GRIK2: variants seen among roughly 807,000 people sequenced by gnomAD.
The protein encoded by GRIK2 is glutamate ionotropic receptor kainate type subunit 2.
Under a neutral mutation model 100.3 loss-of-function variants are expected in GRIK2, and 32 were observed. That is an observed-to-expected ratio of 0.32 (90% CI 0.24 to 0.43). The LOEUF (loss-of-function observed/expected upper bound fraction) is 0.43. Ranked by LOEUF, GRIK2 falls within the 20% of genes least tolerant of loss-of-function variation. The pLI is 1.00. For synonymous variants in GRIK2, 417 were observed against 389.4 expected, an observed-to-expected ratio of 1.07 and a Z score of -0.83; for missense variants, 843 against 1,114.9, an observed-to-expected ratio of 0.76 and a Z score of 3.47.
At chr6:101,449,581 G>T (rs1251834901) in intron 2 of GRIK2, among the ~76,000 whole-genome samples, 4 of 151,678 alleles carry the variant, frequency 2.6e-5, no homozygotes, top group Non-Finnish European at 4.4e-5. Context: ...TGAAGAAGTG[G>T]ATAGTTGTGA....
At chr6:102,057,446 G>A (rs1771519379) in intron 16 of GRIK2, among the ~76,000 whole-genome samples, 1 of 151,882 alleles carries the variant, frequency 6.6e-6, no homozygotes, top group Admixed American at 6.6e-5. Flanking sequence ...TTACGAACAC[G>A]TTTAGTTGAA....
intron 7 of GRIK2, among the ~76,000 whole-genome samples, chr6:101,772,551 G>A (rs968923660): frequency 5.9e-5 from 9 of 151,798 alleles, no homozygotes; most frequent in African/African-American, 2.2e-4. Context: ...ATCCTTTAAT[G>A]TTTATCCTCT....
At chr6:101,878,331 C>T (rs899842565) in intron 11 of GRIK2, among the ~76,000 whole-genome samples, 2 of 82,480 alleles carry the variant, frequency 2.4e-5, no homozygotes, top group African/African-American at 4.0e-5. Flanking sequence ...ATGGAGCCTT[C>T]AAAGTGTCAA....
chr6:101,479,745 A>G (rs919483168), intron 2 of GRIK2, among the ~76,000 whole-genome samples: 1 of 152,166 alleles, frequency 6.6e-6, no homozygotes, highest in Non-Finnish European at 1.5e-5. Flanking sequence ...TAGTGCTTAC[A>G]TGTCTTTTTA....
intron 14 of GRIK2, among the ~76,000 whole-genome samples, chr6:101,934,927 T>G (rs961003606): frequency 2.0e-5 from 3 of 151,998 alleles, no homozygotes; most frequent in Non-Finnish European, 4.4e-5. Context: ...AAAAATAATA[T>G]TTAAAGATGA....
At chr6:101,969,200 G>T (rs1286525022) in intron 14 of GRIK2, among the ~76,000 whole-genome samples, 1 of 151,896 alleles carries the variant, frequency 6.6e-6, no homozygotes, top group East Asian at 1.9e-4. Flanking sequence ...TTTTTTAAAT[G>T]CATGATTGTG....
chr6:101,738,611 A>G (rs1775831840), intron 7 of GRIK2, among the ~76,000 whole-genome samples: 1 of 151,930 alleles, frequency 6.6e-6, no homozygotes, highest in South Asian at 2.1e-4. Context: ...TATATGGTAA[A>G]TATTAAGCAA....
intron 2 of GRIK2, among the ~76,000 whole-genome samples, chr6:101,499,714 A>G (rs1773649670): frequency 1.3e-5 from 2 of 152,148 alleles, no homozygotes; most frequent in South Asian, 4.1e-4. Context: ...TTTAAGTCAT[A>G]GTATATACTA....
chr6:101,705,669 G>A (rs1013073483), intron 7 of GRIK2, among the ~76,000 whole-genome samples: 3 of 151,628 alleles, frequency 2.0e-5, no homozygotes, highest in Admixed American at 6.6e-5. Flanking sequence ...AAATAGTGAC[G>A]GTTACTGCAA....
At chr6:101,574,641 A>G (rs1449992699) in intron 2 of GRIK2, among the ~76,000 whole-genome samples, 2 of 151,568 alleles carry the variant, frequency 1.3e-5, no homozygotes, top group African/African-American at 2.4e-5. Context: ...CAGCATGTAC[A>G]GGGCTTGCTT....
intron 14 of GRIK2, among the ~76,000 whole-genome samples, chr6:101,995,358 A>G (rs1213795150): frequency 6.6e-6 from 1 of 151,984 alleles, no homozygotes; most frequent in Non-Finnish European, 1.5e-5. Flanking sequence ...ATTTCATTTG[A>G]TTCCATAGAT....
Position 101,512,219 on chromosome 6 carries a change from A to G in GRIK2, c.116-109730A>G, listed in dbSNP as rs551187690. Among the ~76,000 whole-genome samples, 30 of 151,864 alleles carry G rather than the reference A, an allele frequency of 2.0e-4. 1 individual carries two copies. The highest frequency in any genetic ancestry group is 4.0e-4 in the Non-Finnish European group (27 of 67,848). On this transcript the variant is annotated intron_variant, in intron 2 of 16. Transcript: ENST00000369134. ...GAATAAGATAAAGATTAAATAATAA[A>G]CTTAGTTTCATTCATGGTATGTTTA...
chr6:101,598,332 C>G (rs1264547098), intron 2 of GRIK2, among the ~76,000 whole-genome samples: 1 of 151,530 alleles, frequency 6.6e-6, no homozygotes, highest in Non-Finnish European at 1.5e-5. Flanking sequence ...CTCAACTCAT[C>G]CTGCGGGCAA....
intron 2 of GRIK2, among the ~76,000 whole-genome samples, chr6:101,498,035 A>T (rs1773541547): frequency 9.6e-6 from 1 of 104,552 alleles, no homozygotes; most frequent in Non-Finnish European, 1.8e-5. Context: ...ACCCCACAAC[A>T]GTCCCCAGAG....
At chr6:101,795,594 G>A (rs1366855055) in intron 7 of GRIK2, among the ~76,000 whole-genome samples, 9 of 152,218 alleles carry the variant, frequency 5.9e-5, no homozygotes, top group Non-Finnish European at 8.8e-5. Context: ...AGTATGCATG[G>A]CATGAGAAAT....
rs200084673 is a variant in GRIK2, at chr6:101,515,502, A to G, written c.116-106447A>G. Among the ~76,000 whole-genome samples, 5 of 152,276 alleles carry G rather than the reference A, an allele frequency of 3.3e-5. No individual in the cohort carries two copies. The East Asian group carries it at 9.6e-4, about 29-fold the overall frequency. ...TTAAGGAAGCTCCACACGGTTTTCT[A>G]TAGTGGCTGTACTAGTTTACATTCC... is the stretch of plus-strand genomic sequence containing the variant. On this transcript the variant is annotated intron_variant, in intron 2 of 16. Coordinates refer to ENST00000369134, the MANE Select transcript of GRIK2 (RefSeq NM_021956.5).
chr6:101,842,281 C>A (rs906018157), intron 10 of GRIK2, among the ~76,000 whole-genome samples: 1 of 152,130 alleles, frequency 6.6e-6, no homozygotes, highest in African/African-American at 2.4e-5. Context: ...TCTATATCCT[C>A]TCTCAATTCA....
At chr6:101,666,131 T>C (rs938521247) in intron 4 of GRIK2, among the ~76,000 whole-genome samples, 2 of 152,168 alleles carry the variant, frequency 1.3e-5, no homozygotes, top group Admixed American at 6.5e-5. Flanking sequence ...TTTGCTAGAA[T>C]GAGTCACAGA....
intron 15 of GRIK2, among the ~76,000 whole-genome samples, chr6:102,044,286 G>A (rs189660843): frequency 4.6e-5 from 7 of 152,046 alleles, no homozygotes; most frequent in African/African-American, 1.4e-4. Context: ...AAATTTTCTA[G>A]TGGTGCTCTC....
Sources: gnomAD v4.1 joint callset for allele counts (sites outside exome capture counted in the v4.1 genomes callset) on GRCh38, gnomAD v4.1.1 for gene constraint, MANE v1.5 for transcripts, NCBI Gene and HGNC (gene_info 2026-07-23, HGNC 2026-07-21) for gene names.